Variants in LRRC7 observed in about 807,000 individuals in gnomAD.
LRRC7 encodes the protein leucine-rich repeat-containing protein 7.
A neutral mutation model predicts 175.7 loss-of-function variants in LRRC7; 23 were observed. That is an observed-to-expected ratio of 0.13 (90% CI 0.09 to 0.19). The LOEUF is 0.19. Ranked by LOEUF, LRRC7 falls within the 10% of genes least tolerant of loss-of-function variation. The pLI is 1.00. For synonymous variants in LRRC7, 685 were observed against 680.9 expected (o/e 1.01, Z -0.09); for missense variants, 1,354 against 1,904.7 (o/e 0.71, Z 5.38).
intron 2 of LRRC7, among the ~76,000 whole-genome samples, chr1:69,724,761 C>A (rs1216444213): frequency 6.6e-6 from 1 of 151,936 alleles, no homozygotes; most frequent in African/African-American, 2.4e-5. Flanking sequence ...TAGAGAAACT[C>A]CAGAAAATTA....
intron 17 of LRRC7, among the ~76,000 whole-genome samples, chr1:70,027,489 G>C (rs1288808064): frequency 6.6e-6 from 1 of 152,068 alleles, no homozygotes. Flanking sequence ...AAATATCTTA[G>C]AAAGTGGTCC....
chr1:69,650,466 G>A (rs1570166605), intron 1 of LRRC7, among the ~76,000 whole-genome samples: 1 of 146,822 alleles, frequency 6.8e-6, no homozygotes, highest in East Asian at 2.1e-4. Flanking sequence ...CGTGAACCTG[G>A]GAGGCAGAGC....
At chr1:69,819,569 CTCTCTCTCTG>C (rs1181377952) in intron 4 of LRRC7, among the ~76,000 whole-genome samples, 1 of 133,404 alleles carries the variant, frequency 7.5e-6, no homozygotes, top group Non-Finnish European at 1.5e-5. Flanking sequence ...CTCTCTCTCT[CTCTCTCTCTG>C]TGTGTGTGTG....
At chr1:70,061,512 T>C (rs17131168) in intron 23 of LRRC7, among the ~76,000 whole-genome samples, 5,228 of 152,202 alleles carry the variant, frequency 0.034, 193 homozygotes, top group African/African-American at 0.1. Context: ...TCACTGTCAG[T>C]AAGCTCTGCC....
intron 7 of LRRC7, among the ~76,000 whole-genome samples, chr1:69,877,338 A>G (rs1012978748): frequency 6.6e-6 from 1 of 152,138 alleles, no homozygotes; most frequent in African/African-American, 2.4e-5. Context: ...CTATAATCCC[A>G]TTGCTTTGAG....
At chr1:69,864,288 T>A (rs199631067) in intron 7 of LRRC7, among the ~76,000 whole-genome samples, 1 of 152,360 alleles carries the variant, frequency 6.6e-6, no homozygotes, top group East Asian at 1.9e-4. Context: ...TTTATATTTC[T>A]ATCTCCATTG....
intron 1 of LRRC7, among the ~76,000 whole-genome samples, chr1:69,610,207 C>A (rs1427596588): frequency 6.6e-6 from 1 of 151,940 alleles, no homozygotes; most frequent in African/African-American, 2.4e-5. Flanking sequence ...ATATTCAATA[C>A]CCTAAATTTG....
intron 8 of LRRC7, among the ~76,000 whole-genome samples, chr1:69,933,165 A>G (rs1647566077): frequency 6.6e-6 from 1 of 152,214 alleles, no homozygotes; most frequent in Non-Finnish European, 1.5e-5. Flanking sequence ...CATAACATAC[A>G]AACTGAGAGA....
intron 4 of LRRC7, among the ~76,000 whole-genome samples, chr1:69,796,988 T>A (rs963995743): frequency 1.3e-5 from 2 of 152,158 alleles, no homozygotes; most frequent in Non-Finnish European, 2.9e-5. Flanking sequence ...TTGACTAGAT[T>A]GTGAGACCCT....
chr1:69,738,155 C>T (rs530013691), intron 2 of LRRC7, among the ~76,000 whole-genome samples: 3 of 152,084 alleles, frequency 2.0e-5, no homozygotes, highest in South Asian at 4.2e-4. Context: ...TCACTGAGAC[C>T]ACCAAAAATG....
chr1:69,919,460 A>T, intron 7 of LRRC7: 1 of 990,400 alleles, frequency 1.0e-6, no homozygotes, highest in Non-Finnish European at 1.6e-6. Flanking sequence ...AGCCAGTGGG[A>T]GCGGCCCAGC....
chr1:69,928,809 G>A (rs890690314), intron 7 of LRRC7, among the ~76,000 whole-genome samples: 12 of 152,102 alleles, frequency 7.9e-5, no homozygotes, highest in South Asian at 4.1e-4. Context: ...AGTGCGCTGC[G>A]CCCACTGTCC....
intron 1 of LRRC7, among the ~76,000 whole-genome samples, chr1:69,619,600 T>A (rs937616921): frequency 6.6e-6 from 1 of 152,186 alleles, no homozygotes; most frequent in Non-Finnish European, 1.5e-5. Flanking sequence ...CAGCTCGGAC[T>A]TGGATATTTC....
intron 7 of LRRC7, among the ~76,000 whole-genome samples, chr1:69,908,540 C>A (rs532472893): frequency 2.6e-5 from 4 of 152,194 alleles, no homozygotes; most frequent in African/African-American, 9.6e-5. Context: ...CATTCAGGAG[C>A]AGGTTGTTCA....
At chr1:70,045,436 A>G (rs1285808997) in intron 22 of LRRC7, among the ~76,000 whole-genome samples, 1 of 152,082 alleles carries the variant, frequency 6.6e-6, no homozygotes, top group Non-Finnish European at 1.5e-5. Context: ...GCTCCAACAC[A>G]CCATCAGCAT....
intron 2 of LRRC7, among the ~76,000 whole-genome samples, chr1:69,733,905 C>A (rs1172562301): frequency 1.3e-5 from 2 of 151,978 alleles, no homozygotes; most frequent in African/African-American, 4.8e-5. Flanking sequence ...ACCCACCAAC[C>A]AACTCAGCTA....
At chr1:69,910,356 G>A (rs775227989) in intron 7 of LRRC7, among the ~76,000 whole-genome samples, 39 of 152,292 alleles carry the variant, frequency 2.6e-4, no homozygotes, top group Non-Finnish European at 4.9e-4. Flanking sequence ...ACGTACAGAA[G>A]GGTTTTGTGT....
At chr1:69,885,452 C>T (rs202027079) in intron 7 of LRRC7, among the ~76,000 whole-genome samples, 4,167 of 142,874 alleles carry the variant, frequency 0.029, 106 homozygotes, top group East Asian at 0.067. Context: ...TCTGTGGGAT[C>T]GGTGGTGATA....
intron 7 of LRRC7, among the ~76,000 whole-genome samples, chr1:69,849,942 A>G (rs1682788366): frequency 6.6e-6 from 1 of 152,108 alleles, no homozygotes; most frequent in Non-Finnish European, 1.5e-5. Flanking sequence ...TGGTGGAAGG[A>G]GACAGATAAT....
Sources: gnomAD v4.1 joint callset for allele counts (sites outside exome capture counted in the v4.1 genomes callset) on GRCh38, gnomAD v4.1.1 for gene constraint, MANE v1.5 for transcripts, NCBI Gene and HGNC (gene_info 2026-07-23, HGNC 2026-07-21) for gene names.